ERBB4: variants seen among roughly 807,000 people sequenced by gnomAD.
ERBB4 encodes receptor tyrosine-protein kinase erbB-4.
A neutral mutation model predicts 158.0 loss-of-function variants in ERBB4; 42 were observed. The ratio of observed to expected loss-of-function variants is 0.27; its 90% CI spans 0.21 to 0.34. The LOEUF is 0.34. ERBB4 is among the 10% of genes least tolerant of loss of function. ERBB4 has a pLI of 1.00. For synonymous variants in ERBB4, 583 were observed against 558.7 expected (o/e 1.04, Z -0.61); for missense variants, 1,333 against 1,624.1 (o/e 0.82, Z 3.08).
chr2:211,632,358 G>A (rs1458173298), intron 16 of ERBB4, among the ~76,000 whole-genome samples: 1 of 151,952 alleles, frequency 6.6e-6, no homozygotes, highest in Non-Finnish European at 1.5e-5. Flanking sequence ...TAGCTCAAAT[G>A]CTTAACATAT....
At chr2:211,441,962 C>T (rs887509602) in intron 20 of ERBB4, among the ~76,000 whole-genome samples, 1 of 152,110 alleles carries the variant, frequency 6.6e-6, no homozygotes, top group Admixed American at 6.6e-5. Context: ...TAAGTCTTCT[C>T]TTTTTAACCA....
chr2:212,030,269 G>T (rs1365557283), intron 2 of ERBB4, among the ~76,000 whole-genome samples: 1 of 151,930 alleles, frequency 6.6e-6, no homozygotes, highest in Non-Finnish European at 1.5e-5. Flanking sequence ...CCTTTATCCA[G>T]GCTTCTTCTA....
chr2:212,204,709 C>CAAAA (rs138872757), intron 1 of ERBB4, among the ~76,000 whole-genome samples: 2 of 128,152 alleles, frequency 1.6e-5, no homozygotes, highest in African/African-American at 5.7e-5. Flanking sequence ...ACAAAAAAAA[C>CAAAA]AAAAAAAAAA....
At chr2:212,029,257 C>T (rs2076845876) in intron 2 of ERBB4, among the ~76,000 whole-genome samples, 1 of 152,090 alleles carries the variant, frequency 6.6e-6, no homozygotes, top group Non-Finnish European at 1.5e-5. Context: ...ACTGCCAGAG[C>T]TGTAACACTG....
chr2:211,800,193 A>G (rs905477833), intron 3 of ERBB4, among the ~76,000 whole-genome samples: 5 of 152,182 alleles, frequency 3.3e-5, no homozygotes, highest in Non-Finnish European at 5.9e-5. Flanking sequence ...GCCTGGCTCC[A>G]CAGCCCCATT....
At chr2:211,571,753 A>G (rs1225161642) in intron 19 of ERBB4, among the ~76,000 whole-genome samples, 1 of 152,172 alleles carries the variant, frequency 6.6e-6, no homozygotes, top group Non-Finnish European at 1.5e-5. Flanking sequence ...AGAATGCAAT[A>G]CCATTTTATG....
Position 212,124,787 on chromosome 2 carries a change from T to G in ERBB4, c.199A>C (p.Ser67Arg). The G allele has an allele frequency of 1.2e-6, 2 of 1,614,200 alleles. No homozygotes were observed. The highest frequency in any genetic ancestry group is 1.7e-6 in the Non-Finnish European group (2 of 1,180,014). The change falls in exon 2 of 28, where the codon AGC becomes CGC. Residue 67 changes from serine to arginine, a missense_variant. Physicochemically the swap from Ser to Arg is moderately radical, Grantham distance 110. This residue lies in a region of ERBB4 where 438 missense variants were observed against 586.9 expected (regional missense o/e 0.75). Coordinates refer to ENST00000342788, the MANE Select transcript of ERBB4 (RefSeq NM_005235.3). Reference sequence around the variant, plus strand: ...GAGAGGTCCCGGTTGTGCTCAATGCTGGTTATCTCCAGGTTGCCCATGACA... The same window carrying G: ...GAGAGGTCCCGGTTGTGCTCAATGCGGGTTATCTCCAGGTTGCCCATGACA... ...EVVMGNLEIT[S>R]IEHNRDLSFL...
chr2:211,572,514 T>C (rs900067689), intron 19 of ERBB4, among the ~76,000 whole-genome samples: 1 of 152,170 alleles, frequency 6.6e-6, no homozygotes, highest in Non-Finnish European at 1.5e-5. Flanking sequence ...GTTCAGCCAG[T>C]GCAAAGCAGT....
intron 3 of ERBB4, among the ~76,000 whole-genome samples, chr2:211,915,157 G>C (rs2079652299): frequency 6.6e-6 from 1 of 152,018 alleles, no homozygotes; most frequent in Non-Finnish European, 1.5e-5. Flanking sequence ...GTCCCAAATA[G>C]TAATAATTCT....
intron 2 of ERBB4, among the ~76,000 whole-genome samples, chr2:212,112,068 A>C (rs2079427769): frequency 6.6e-6 from 1 of 152,114 alleles, no homozygotes; most frequent in Non-Finnish European, 1.5e-5. Flanking sequence ...TCTGTCACCC[A>C]GGGTGGAGTG....
intron 16 of ERBB4, among the ~76,000 whole-genome samples, chr2:211,636,634 A>G (rs2070373398): frequency 6.6e-6 from 1 of 151,954 alleles, no homozygotes; most frequent in African/African-American, 2.4e-5. Flanking sequence ...CTATGTGAGC[A>G]ATAAATCAAA....
At chr2:212,385,920 A>C (rs1308143192) in intron 1 of ERBB4, among the ~76,000 whole-genome samples, 2 of 151,922 alleles carry the variant, frequency 1.3e-5, no homozygotes, top group Non-Finnish European at 2.9e-5. Flanking sequence ...ATTAAGAAAC[A>C]ACCTCTGAGT....
intron 1 of ERBB4, among the ~76,000 whole-genome samples, chr2:212,292,381 C>T (rs923712382): frequency 1.3e-5 from 2 of 151,932 alleles, no homozygotes; most frequent in African/African-American, 4.8e-5. Flanking sequence ...AGATGTGTAA[C>T]AAGAATTGAA....
intron 3 of ERBB4, among the ~76,000 whole-genome samples, chr2:211,877,406 C>A (rs989648605): frequency 6.6e-6 from 1 of 152,090 alleles, no homozygotes; most frequent in African/African-American, 2.4e-5. Context: ...TAATGTATTG[C>A]CTGTTTTGCC....
intron 2 of ERBB4, among the ~76,000 whole-genome samples, chr2:212,011,122 C>T (rs1233230195): frequency 6.6e-6 from 1 of 152,016 alleles, no homozygotes; most frequent in Non-Finnish European, 1.5e-5. Context: ...TCACAGTGAT[C>T]CTGAGGTGAT....
intron 3 of ERBB4, among the ~76,000 whole-genome samples, chr2:211,806,795 A>G (rs539880540): frequency 6.6e-6 from 1 of 152,298 alleles, no homozygotes; most frequent in African/African-American, 2.4e-5. Context: ...AAATATAATC[A>G]TAGTACATTC....
chr2:211,566,819 TTA>T (rs1489386579), intron 19 of ERBB4, among the ~76,000 whole-genome samples: 2 of 148,952 alleles, frequency 1.3e-5, no homozygotes, highest in African/African-American at 5.2e-5. Context: ...CAATTTATAC[TTA>T]TGTTATTTCT....
intron 20 of ERBB4, among the ~76,000 whole-genome samples, chr2:211,537,661 T>C (rs1469007307): frequency 2.0e-5 from 3 of 151,956 alleles, no homozygotes; most frequent in African/African-American, 7.2e-5. Flanking sequence ...TTAAGATAAA[T>C]ACAGCTTCCA....
intron 1 of ERBB4, among the ~76,000 whole-genome samples, chr2:212,354,305 A>G (rs2089380069): frequency 6.6e-6 from 1 of 152,100 alleles, no homozygotes; most frequent in South Asian, 2.1e-4. Context: ...ATATTTTTGA[A>G]TGATTGAAGA....
Sources: gnomAD v4.1 joint callset for allele counts (sites outside exome capture counted in the v4.1 genomes callset) on GRCh38, gnomAD v4.1.1 for gene constraint, gnomAD v4.1.1 regional missense constraint, MANE v1.5 for transcripts, NCBI Gene and HGNC (gene_info 2026-07-23, HGNC 2026-07-21) for gene names.